The following ASCC1 variants were observed in gnomAD, a reference collection of about 807,000 sequenced individuals.
ASCC1 encodes ASC-1 complex subunit P50.
A neutral mutation model predicts 46.6 loss-of-function variants in ASCC1; 35 were observed. That is an observed-to-expected ratio of 0.75 (90% CI 0.57 to 0.99). ASCC1 has a LOEUF of 0.99. Among genes scored for constraint, ASCC1 ranks in the 50% least tolerant of loss-of-function variants. The pLI is 0.00. For synonymous variants in ASCC1, 143 were observed against 146.6 expected (o/e 0.98, Z 0.18); for missense variants, 376 against 428.7 (o/e 0.88, Z 1.09).
At chr10:72,125,567 G>T (rs1237233363) in intron 9 of ASCC1, among the ~76,000 whole-genome samples, 1 of 152,172 alleles carries the variant, frequency 6.6e-6, no homozygotes, top group Non-Finnish European at 1.5e-5. Flanking sequence ...AATGCCAAAA[G>T]GTGGGTGGAC....
At chr10:72,147,654 G>T (rs564736735) in intron 7 of ASCC1, among the ~76,000 whole-genome samples, 9 of 152,156 alleles carry the variant, frequency 5.9e-5, no homozygotes, top group Non-Finnish European at 1.3e-4. Flanking sequence ...CTTAGTTCAG[G>T]GCACAGCTTT....
intron 9 of ASCC1, among the ~76,000 whole-genome samples, chr10:72,100,071 T>TCACAA (rs1375916589): frequency 6.6e-6 from 1 of 152,148 alleles, no homozygotes; most frequent in Non-Finnish European, 1.5e-5. Flanking sequence ...TTTGATAATA[T>TCACAA]CACAACAAAT....
At chr10:72,185,004 T>C (rs1396667663) in intron 5 of ASCC1, among the ~76,000 whole-genome samples, 1 of 152,084 alleles carries the variant, frequency 6.6e-6, no homozygotes, top group Non-Finnish European at 1.5e-5. Context: ...AAATGGCCAA[T>C]GAGCACATGA....
At chr10:72,116,376 T>C (rs1843493664) in intron 9 of ASCC1, among the ~76,000 whole-genome samples, 1 of 152,264 alleles carries the variant, frequency 6.6e-6, no homozygotes, top group South Asian at 2.1e-4. Context: ...ATGTTGTCCA[T>C]GATTCAGTCA....
rs757374400 is a variant in ASCC1 at position 72,096,976 on chromosome 10, G to A, written c.*358C>T. On this transcript the variant is annotated 3_prime_UTR_variant, in exon 10 of 10. Coordinates refer to ENST00000672957, the MANE Select transcript of ASCC1 (RefSeq NM_001198800.3). Reference sequence around the variant, plus strand: ...AGCTGAGAAGCCTATGGAGATGGACGGCGGTGACGGCCACACAGCATTATG... The same window carrying A: ...AGCTGAGAAGCCTATGGAGATGGACAGCGGTGACGGCCACACAGCATTATG... 2.9e-5 allele frequency: 13 copies of A among 454,906 alleles called. No individual in the cohort carries two copies. Among genetic ancestry groups the A allele is most frequent in the South Asian group, 1.2e-4 (8 of 64,490 alleles). The allele number at this position is 454,906 out of a possible 1,614,324, so 28.2% of individuals were successfully genotyped here. A position where few individuals can be genotyped will look rare whatever the true frequency, so the allele number is the denominator to read the frequency against.
At chr10:72,199,942 G>A (rs914730393) in intron 4 of ASCC1, among the ~76,000 whole-genome samples, 2 of 151,344 alleles carry the variant, frequency 1.3e-5, no homozygotes, top group South Asian at 2.1e-4. Flanking sequence ...CATGTTGCCC[G>A]GGCTGACCTT....
intron 4 of ASCC1, among the ~76,000 whole-genome samples, chr10:72,202,606 A>G (rs547406060): frequency 6.6e-6 from 1 of 152,314 alleles, no homozygotes; most frequent in South Asian, 2.1e-4. Flanking sequence ...GACACTTTCT[A>G]ACTTGATTTA....
intron 5 of ASCC1, among the ~76,000 whole-genome samples, chr10:72,180,340 A>G (rs372846165): frequency 7.2e-5 from 11 of 152,032 alleles, no homozygotes; most frequent in African/African-American, 2.7e-4. Flanking sequence ...AAAATAAAAG[A>G]GCTACCCAGG....
At position 72,203,493 on chromosome 10, in the gene ASCC1, T is replaced by C; in HGVS notation, c.244A>G (p.Lys82Glu). 6.2e-7 allele frequency: 1 copy of C among 1,613,102 alleles called. No homozygotes were observed. The highest frequency in any genetic ancestry group is 8.5e-7 in the Non-Finnish European group (1 of 1,179,298). Reference protein sequence around the residue: ...HIVGKRGDTRKKIEMETKTSI... With the variant: ...HIVGKRGDTREKIEMETKTSI... ...GTTTTGGTCTCCATTTCTATTTTCT[T>C]CCTAGTGTCCCCTCTCTTTCCAACT... The change falls in exon 4 of 10, where the codon AAG becomes GAG. Residue 82 changes from lysine to glutamate, a missense_variant. Coordinates refer to ENST00000672957, the MANE Select transcript of ASCC1 (RefSeq NM_001198800.3).
intron 5 of ASCC1, among the ~76,000 whole-genome samples, chr10:72,192,608 C>T (rs1854711128): frequency 6.6e-6 from 1 of 152,174 alleles, no homozygotes; most frequent in Non-Finnish European, 1.5e-5. Context: ...ATTCTCGTGC[C>T]TCAGCCTCCC....
At chr10:72,110,899 A>C (rs1407570713) in intron 9 of ASCC1, among the ~76,000 whole-genome samples, 1 of 152,216 alleles carries the variant, frequency 6.6e-6, no homozygotes, top group Non-Finnish European at 1.5e-5. Context: ...TCCCTGGAAG[A>C]GGGGAGAGAG....
At chr10:72,143,693 T>C (rs1847297862) in intron 7 of ASCC1, among the ~76,000 whole-genome samples, 1 of 150,668 alleles carries the variant, frequency 6.6e-6, no homozygotes, top group Non-Finnish European at 1.5e-5. Context: ...TTACTGGGCA[T>C]ATAATTCCAG....
chr10:72,127,969 G>T (rs77996488), intron 9 of ASCC1, 113 bp downstream of exon 9: 1 of 859,886 alleles, frequency 1.2e-6, no homozygotes, highest in Non-Finnish European at 1.9e-6. Context: ...AAAAAAAAAA[G>T]TATGAGAAAA....
chr10:72,192,454 CAAAA>C (rs770758322), intron 5 of ASCC1, among the ~76,000 whole-genome samples: 1 of 109,344 alleles, frequency 9.1e-6, no homozygotes, highest in African/African-American at 3.0e-5. Context: ...GACTCCGTCT[CAAAA>C]AAAAAAAAAA....
intron 9 of ASCC1, among the ~76,000 whole-genome samples, chr10:72,113,862 G>A (rs551862862): frequency 2.6e-5 from 4 of 152,250 alleles, no homozygotes; most frequent in African/African-American, 9.6e-5. Flanking sequence ...AAGAAGGGAG[G>A]CAGAGCCATA....
intron 5 of ASCC1, among the ~76,000 whole-genome samples, chr10:72,169,880 G>A (rs918839169): frequency 1.3e-5 from 2 of 152,190 alleles, no homozygotes; most frequent in African/African-American, 4.8e-5. Flanking sequence ...AGCACTTTGG[G>A]AGGCCAAGAT....
chr10:72,130,838 C>T (rs1049611823), intron 8 of ASCC1, among the ~76,000 whole-genome samples: 1 of 152,148 alleles, frequency 6.6e-6, no homozygotes, highest in Non-Finnish European at 1.5e-5. Context: ...ATCGCAGATA[C>T]AGAATACTTC....
At chr10:72,100,101 C>T (rs1841566174) in intron 9 of ASCC1, among the ~76,000 whole-genome samples, 1 of 152,182 alleles carries the variant, frequency 6.6e-6, no homozygotes, top group Non-Finnish European at 1.5e-5. Flanking sequence ...ATCCAGACGT[C>T]CCTAGTGCCA....
At chr10:72,124,115 T>C (rs761106068) in intron 9 of ASCC1, among the ~76,000 whole-genome samples, 7 of 152,204 alleles carry the variant, frequency 4.6e-5, no homozygotes, top group Non-Finnish European at 1.0e-4. Flanking sequence ...GGGTGGCTCA[T>C]TCACATCTTT....
Sources: gnomAD v4.1 joint callset for allele counts (sites outside exome capture counted in the v4.1 genomes callset) on GRCh38, gnomAD v4.1.1 for gene constraint, MANE v1.5 for transcripts, NCBI Gene and HGNC (gene_info 2026-07-23, HGNC 2026-07-21) for gene names.